MED13L: variants seen among roughly 807,000 people sequenced by gnomAD.
MED13L encodes mediator of RNA polymerase II transcription subunit 13-like.
In MED13L, 7 loss-of-function variants were observed where a neutral mutation model predicts 220.9. The observed-to-expected ratio is 0.03, with a 90% CI of 0.02 to 0.06. The LOEUF (loss-of-function observed/expected upper bound fraction) is 0.06. Among genes scored for constraint, MED13L ranks in the 10% least tolerant of loss-of-function variants. MED13L has a pLI of 1.00. For missense variants in MED13L, 1,965 were observed against 2,760.5 expected, an observed-to-expected ratio of 0.71 and a Z score of 6.46; for synonymous variants, 1,011 against 1,015.2, an observed-to-expected ratio of 1.00 and a Z score of 0.08.
intron 2 of MED13L, among the ~76,000 whole-genome samples, chr12:116,171,738 T>C (rs913583963): frequency 1.8e-4 from 28 of 152,200 alleles, no homozygotes; most frequent in African/African-American, 6.3e-4. Context: ...GATACCATGT[T>C]AGCTTTATTA....
intron 2 of MED13L, among the ~76,000 whole-genome samples, chr12:116,219,011 C>T (rs1234549084): frequency 6.6e-6 from 1 of 152,218 alleles, no homozygotes; most frequent in Non-Finnish European, 1.5e-5. Flanking sequence ...GCTGGGATTA[C>T]AGGTGTGAGC....
Position 116,019,821 on chromosome 12 carries a change from C to G in MED13L, c.777G>C (p.Leu259Phe). Residue 259 changes from leucine (L) to phenylalanine (F), a missense_variant, in exon 6 of 31, where the codon TTG (leucine) becomes TTC (phenylalanine). Around this residue, in one of 10 missense-constraint regions of MED13L, gnomAD observed 818 missense variants for 1,041.2 expected, o/e 0.79. Coordinates refer to ENST00000281928, the MANE Select transcript of MED13L (RefSeq NM_015335.5). ...KKEESKEEDE[L>F]GYDDDFPVAV... The stretch of plus-strand genomic sequence containing the variant: ...CCACAGGGAAATCATCATCATATCC[C>G]AACTCGTCTTCCTCTTTCGATTCTT... 1 of 1,613,998 alleles carries G rather than the reference C, an allele frequency of 6.2e-7. No homozygotes were observed. The highest frequency in any genetic ancestry group is 2.2e-5 in the East Asian group (1 of 44,862).
chr12:116,095,720 T>C (rs1243768990), intron 4 of MED13L, among the ~76,000 whole-genome samples: 1 of 152,210 alleles, frequency 6.6e-6, no homozygotes, highest in East Asian at 1.9e-4. Flanking sequence ...TTGAATACCA[T>C]GCTCATCAAT....
rs182818908 is a variant in MED13L, at chr12:116,013,576, C to T, written c.1176-675G>A. ...AAAAATCTGAAATCCCAAACACTTC[C>T]GGTCCCACGAACTTTGAGTAAGATA... On this transcript the variant is annotated intron_variant, in intron 8 of 30. Transcript: ENST00000281928. 2.8e-3 allele frequency among the ~76,000 whole-genome samples: 424 copies of T among 152,242 alleles called. 4 individuals are homozygous for T. Among genetic ancestry groups the T allele is most frequent in the African/African-American group, 9.5e-3 (393 of 41,550 alleles).
In MED13L at chr12:116,102,434, T is replaced by C. The variant is rs142643677; in HGVS notation, c.396-5682A>G. 2.0e-5 allele frequency among the ~76,000 whole-genome samples: 3 copies of C among 152,274 alleles called. No individual in the cohort carries two copies. In the East Asian group the frequency reaches 5.8e-4, roughly 29 times the overall value. ...ACGGTTTTCATAGGTTTCCCTACCA[T>C]AATCTCAACAAAATTACATCTTCTG... On this transcript the variant is annotated intron_variant, in intron 3 of 30. Transcript: ENST00000281928.
chr12:116,207,508 T>C (rs1882415233), intron 2 of MED13L, among the ~76,000 whole-genome samples: 1 of 152,204 alleles, frequency 6.6e-6, no homozygotes, highest in Non-Finnish European at 1.5e-5. Context: ...TCAGAGGCAT[T>C]AAGCGACACA....
intron 4 of MED13L, among the ~76,000 whole-genome samples, chr12:116,083,404 G>GGAA (rs1177240921): frequency 1.3e-5 from 1 of 79,362 alleles, no homozygotes; most frequent in Non-Finnish European, 2.4e-5. Context: ...TGTCTCGAGG[G>GGAA]AAAAAAAAAA....
chr12:116,130,115 T>G (rs1469367602), intron 2 of MED13L, among the ~76,000 whole-genome samples: 1 of 152,066 alleles, frequency 6.6e-6, no homozygotes, highest in Non-Finnish European at 1.5e-5. Flanking sequence ...TTTCTTAAAC[T>G]CACAAAAAAC....
At chr12:116,055,381 T>A (rs1479171906) in intron 4 of MED13L, among the ~76,000 whole-genome samples, 3 of 152,216 alleles carry the variant, frequency 2.0e-5, no homozygotes, top group Non-Finnish European at 4.4e-5. Flanking sequence ...ATAATTAAAA[T>A]AGGTGCAACT....
chr12:116,180,408 TA>T (rs1383474990), intron 2 of MED13L, among the ~76,000 whole-genome samples: 1 of 152,210 alleles, frequency 6.6e-6, no homozygotes, highest in Non-Finnish European at 1.5e-5. Flanking sequence ...AGATGTTGCA[TA>T]AAATTAACTT....
chr12:116,089,517 G>A (rs1466997400), intron 4 of MED13L, among the ~76,000 whole-genome samples: 1 of 152,110 alleles, frequency 6.6e-6, no homozygotes, highest in Admixed American at 6.6e-5. Context: ...AATAGAGGTG[G>A]CAGAAATATA....
chr12:116,156,060 T>C (rs1878401343), intron 2 of MED13L, among the ~76,000 whole-genome samples: 1 of 152,176 alleles, frequency 6.6e-6, no homozygotes, highest in Non-Finnish European at 1.5e-5. Context: ...CACTCTAGAA[T>C]GGTTTTTCTT....
chr12:116,207,350 A>G (rs1017002857), intron 2 of MED13L, among the ~76,000 whole-genome samples: 12 of 152,172 alleles, frequency 7.9e-5, no homozygotes, highest in Admixed American at 1.3e-4. Context: ...CCATTGTGTT[A>G]TACCTGCCTA....
intron 3 of MED13L, among the ~76,000 whole-genome samples, chr12:116,101,120 C>A (rs558076359): frequency 2.0e-5 from 3 of 152,138 alleles, no homozygotes; most frequent in Admixed American, 6.5e-5. Flanking sequence ...CTTCTCCCTT[C>A]TCCTCTAATT....
chr12:116,088,959 A>G (rs565891016), intron 4 of MED13L, among the ~76,000 whole-genome samples: 232 of 152,272 alleles, frequency 1.5e-3, no homozygotes, highest in Non-Finnish European at 2.9e-3. Flanking sequence ...AACACAACCA[A>G]TGGAGAAAAA....
At chr12:116,041,717 C>G (rs1042399951) in intron 4 of MED13L, among the ~76,000 whole-genome samples, 1 of 152,176 alleles carries the variant, frequency 6.6e-6, no homozygotes, top group Non-Finnish European at 1.5e-5. Context: ...AACCTGTAGT[C>G]CCAGCTACTC....
rs1875727549 is a variant in MED13L, at chr12:115,961,106, T to C, written c.*160A>G. On this transcript the variant is annotated 3_prime_UTR_variant, in exon 31 of 31. Transcript: ENST00000281928. ...AAGGAGTCACTCTGGTAATGAACAC[T>C]GCAGAATTGACATGTGCCTGCTGAG... The C allele has an allele frequency of 1.0e-6, 1 of 956,948 alleles. No individual in the cohort carries two copies. The highest frequency in any genetic ancestry group is 1.6e-5 in the African/African-American group (1 of 62,020). 59.3% of individuals were successfully genotyped at this position (956,948 alleles called of 1,614,324 possible).
Position 116,276,578 on chromosome 12 carries a change from A to G in MED13L, c.72+482T>C, listed in dbSNP as rs780844356. The G allele has an allele frequency of 2.9e-5, 36 of 1,228,568 alleles. 1 individual carries two copies. Among genetic ancestry groups the G allele is most frequent in the Non-Finnish European group, 3.5e-5 (34 of 960,300 alleles). 76.1% of individuals were successfully genotyped at this position (1,228,568 alleles called of 1,614,324 possible). On this transcript the variant is annotated intron_variant, in intron 1 of 30. Transcript: ENST00000281928. ...GCATTCAATCAACTATTTTAGGGCG[A>G]AATTGCAGGTGTCATTATGGAATTT...
At position 116,157,215 on chromosome 12, in the gene MED13L, TA is replaced by T. The variant is rs1878507435; in HGVS notation, c.311-45704del. On this transcript the variant is annotated intron_variant, in intron 2 of 30. Transcript: ENST00000281928. ...CCACCCTGTGCTATGCCTTTCATAATATTCACTATACTAGTATACTACACTA... is the reference window on the plus strand; with the variant it reads ...CCACCCTGTGCTATGCCTTTCATAATTTCACTATACTAGTATACTACACTA... 4.6e-5 allele frequency among the ~76,000 whole-genome samples: 7 copies of T among 152,320 alleles called. No homozygotes were observed. In the South Asian group the frequency reaches 1.5e-3, roughly 32 times the overall value.
Sources: gnomAD v4.1 joint callset for allele counts (sites outside exome capture counted in the v4.1 genomes callset) on GRCh38, gnomAD v4.1.1 for gene constraint, gnomAD v4.1.1 regional missense constraint, MANE v1.5 for transcripts, NCBI Gene and HGNC (gene_info 2026-07-23, HGNC 2026-07-21) for gene names.